The following ZNF540 variants were observed in gnomAD, a reference collection of about 807,000 sequenced individuals.
ZNF540 encodes CTD-3064H18.6.
A neutral mutation model predicts 11.8 loss-of-function variants in ZNF540; 3 were observed. That is an observed-to-expected ratio of 0.25 (90% CI 0.12 to 0.65). The LOEUF is 0.65. Among genes scored for constraint, ZNF540 ranks in the 30% least tolerant of loss-of-function variants. ZNF540 has a pLI of 0.83. For missense variants in ZNF540, 709 were observed against 793.1 expected (o/e 0.89, Z 1.27); for synonymous variants, 247 against 259.0 (o/e 0.95, Z 0.45).
chr19:37,570,473 C>T (rs912166187), intron 1 of ZNF540, among the ~76,000 whole-genome samples: 25 of 152,152 alleles, frequency 1.6e-4, no homozygotes, highest in African/African-American at 4.3e-4. Flanking sequence ...CTCAAGGAAT[C>T]AGATATACAA....
chr19:37,565,757 T>G (rs1300909057), intron 1 of ZNF540: 1 of 1,613,704 alleles, frequency 6.2e-7, no homozygotes, highest in African/African-American at 1.3e-5. Context: ...TGCGTTACAC[T>G]GATAAGGTTT....
At position 37,612,464 on chromosome 19, in the gene ZNF540, G is replaced by A. The variant is rs200091894; in HGVS notation, c.1184G>A (p.Arg395His). The A allele has an allele frequency of 1.4e-5, 23 of 1,614,172 alleles. No individual in the cohort carries two copies. Among genetic ancestry groups the A allele is most frequent in the East Asian group, 8.9e-5 (4 of 44,876 alleles). The change falls in exon 5 of 5, where the codon CGT becomes CAT. Residue 395 changes from arginine (R) to histidine (H), a missense_variant. Transcript: ENST00000316433. ...CKECGKSFNV[R>H]GQLNRHKTIH... ...GAGTGTGGGAAATCATTTAATGTGC[G>A]TGGACAGCTTAATCGGCATAAAACA... is the stretch of plus-strand genomic sequence containing the variant.
Position 37,611,552 on chromosome 19 carries a change from A to C in ZNF540, c.272A>C (p.Glu91Ala), listed in dbSNP as rs763945967. 1 of 1,606,012 alleles carries C rather than the reference A, an allele frequency of 6.2e-7. No individual in the cohort carries two copies. The highest frequency in any genetic ancestry group is 1.3e-5 in the African/African-American group (1 of 74,532). Residue 91 changes from glutamate (E) to alanine (A), a missense_variant, in exon 5 of 5, where the codon GAA becomes GCA. Transcript: ENST00000316433. ...SRHKTKKLSSEKDIHEISLSK... is the reference protein window; with the variant it reads ...SRHKTKKLSSAKDIHEISLSK... The stretch of plus-strand genomic sequence containing the variant: ...CATAAGACCAAGAAATTATCTTCAG[A>C]AAAGGACATTCATGAAATCAGTTTA...
intron 2 of ZNF540, among the ~76,000 whole-genome samples, chr19:37,599,052 T>G (rs2044018175): frequency 6.6e-6 from 1 of 152,182 alleles, no homozygotes; most frequent in Non-Finnish European, 1.5e-5. Context: ...GATACATAAA[T>G]ATTAGTTAAT....
intron 1 of ZNF540, among the ~76,000 whole-genome samples, chr19:37,570,619 C>G (rs2043018231): frequency 6.6e-6 from 1 of 152,082 alleles, no homozygotes; most frequent in Non-Finnish European, 1.5e-5. Context: ...AATGAGAAAA[C>G]CAAACAGAAT....
chr19:37,557,816 T>A (rs1018825465), intron 1 of ZNF540, among the ~76,000 whole-genome samples: 8 of 152,190 alleles, frequency 5.3e-5, no homozygotes, highest in Non-Finnish European at 8.8e-5. Flanking sequence ...CTCTATGGCA[T>A]GAGGAGCCTT....
Position 37,601,081 on chromosome 19 carries a change from G to T in ZNF540, c.208G>T (p.Asp70Tyr). 1.3e-6 allele frequency: 2 copies of T among 1,584,148 alleles called. No individual in the cohort carries two copies. The highest frequency in any genetic ancestry group is 1.7e-6 in the Non-Finnish European group (2 of 1,165,064). Residue 70 changes from aspartate (D) to tyrosine (Y), a missense_variant, in exon 4 of 5, where the codon GAT becomes TAT. Transcript: ENST00000316433. ...GAAAGAGCCCTGCGTGGTGGCGAGG[G>T]ATGTGACAGGAAGACAGTGCCCCGG... ...QGKEPCVVAR[D>Y]VTGRQCPGLL...
intron 1 of ZNF540, among the ~76,000 whole-genome samples, chr19:37,596,792 G>A (rs755351202): frequency 6.6e-6 from 1 of 152,076 alleles, no homozygotes; most frequent in Non-Finnish European, 1.5e-5. Context: ...TTTTACTCCA[G>A]TTTAACATGT....
upstream of ZNF540, chr19:37,594,665 G>C (rs2043965288): frequency 6.6e-6 from 1 of 152,334 alleles, no homozygotes; most frequent in Non-Finnish European, 1.5e-5. Context: ...GGTATTCCCA[G>C]CACCATACAA....
chr19:37,598,107 G>A (rs1347300224), intron 1 of ZNF540, among the ~76,000 whole-genome samples: 1 of 152,222 alleles, frequency 6.6e-6, no homozygotes. Flanking sequence ...CTTGGGCCTA[G>A]ATCAGTATCC....
intron 1 of ZNF540, chr19:37,566,235 T>C (rs1448194422): frequency 6.2e-6 from 10 of 1,613,628 alleles, no homozygotes; most frequent in Admixed American, 5.0e-5. Flanking sequence ...AGTGATTCCA[T>C]TTCATAAATT....
chr19:37,558,168 G>C (rs2042680826), intron 1 of ZNF540, among the ~76,000 whole-genome samples: 1 of 152,120 alleles, frequency 6.6e-6, no homozygotes, highest in South Asian at 2.1e-4. Flanking sequence ...TTGGATAGCC[G>C]CCACTAAGAT....
chr19:37,599,524 G>GTA, intron 2 of ZNF540, 102 bp from the exon 3 acceptor site: 1 of 1,421,886 alleles, frequency 7.0e-7, no homozygotes, highest in Non-Finnish European at 9.8e-7. Flanking sequence ...CTAGAGTTTA[G>GTA]TATAGTACCC....
chr19:37,599,193 T>G (rs1221421345), intron 2 of ZNF540, among the ~76,000 whole-genome samples: 1 of 152,130 alleles, frequency 6.6e-6, no homozygotes, highest in Non-Finnish European at 1.5e-5. Context: ...GATAGATAGA[T>G]AGATAGATAA....
intron 4 of ZNF540, among the ~76,000 whole-genome samples, chr19:37,605,610 T>G (rs1389691031): frequency 6.6e-6 from 1 of 152,122 alleles, no homozygotes; most frequent in Admixed American, 6.5e-5. Context: ...ATCACGCCAC[T>G]GCACTCCAGC....
At chr19:37,576,773 C>G (rs1439183742) in intron 1 of ZNF540, among the ~76,000 whole-genome samples, 3 of 152,048 alleles carry the variant, frequency 2.0e-5, no homozygotes, top group Non-Finnish European at 4.4e-5. Context: ...AAGAAATACC[C>G]CAATATGCTT....
At chr19:37,563,782 ATG>A (rs1555714413) in intron 1 of ZNF540, 1 of 10,522 alleles carries the variant, frequency 9.5e-5, no homozygotes, top group South Asian at 6.1e-3. Context: ...TGTGGAATAT[ATG>A]TATATATTCC....
In ZNF540 at chr19:37,613,263, A is replaced by G; in HGVS notation, c.1983A>G (p.Ter661=). 6.7e-7 allele frequency: 1 copy of G among 1,482,124 alleles called. No homozygotes were observed. The highest frequency in any genetic ancestry group is 1.4e-5 in the African/African-American group (1 of 71,478). The allele number at this position is 1,482,124 out of a possible 1,614,324, so 91.8% of individuals were successfully genotyped here. A position where few individuals can be genotyped will look rare whatever the true frequency, so the allele number is the denominator to read the frequency against. ...ATCAGAAAACTCATAATGTAATTTAATATAAGAAAAGGTTTCCATGTCATG... is the reference window on the plus strand; with the variant it reads ...ATCAGAAAACTCATAATGTAATTTAGTATAAGAAAAGGTTTCCATGTCATG... ...YQHQKTHNVI[*] Residue 661 remains the stop codon, a stop_retained_variant, in exon 5 of 5, where the codon TAA becomes TAG. Coordinates refer to ENST00000316433, the MANE Select transcript of ZNF540 (RefSeq NM_001172225.3).
chr19:37,597,165 A>AT (rs3838929), intron 1 of ZNF540, among the ~76,000 whole-genome samples: 6,958 of 149,690 alleles, frequency 0.046, 262 homozygotes, highest in African/African-American at 0.097. Context: ...ATAAAAGTTG[A>AT]TTTTTTTTTT....
Sources: allele counts gnomAD v4.1 joint callset (sites outside exome capture counted in the v4.1 genomes callset), GRCh38; gene constraint gnomAD v4.1.1; transcripts MANE v1.5; gene names NCBI Gene and HGNC (gene_info 2026-07-23, HGNC 2026-07-21).